The following CBX2 variants were observed in gnomAD, a reference collection of about 807,000 sequenced individuals.
CBX2 encodes the protein chromobox 2.
In CBX2, 11 loss-of-function variants were observed where a neutral mutation model predicts 21.0. That is an observed-to-expected ratio of 0.52 (90% CI 0.33 to 0.87). CBX2 has a LOEUF of 0.87. Among genes scored for constraint, CBX2 ranks in the 40% least tolerant of loss-of-function variants. CBX2 has a pLI of 0.02. For missense variants in CBX2, 746 were observed against 724.3 expected (o/e 1.03, Z -0.34); for synonymous variants, 364 against 304.6 (o/e 1.19, Z -2.03).
At chr17:79,782,135 G>A in intron 4 of CBX2, 2 of 1,613,028 alleles carry the variant, frequency 1.2e-6, no homozygotes, top group Non-Finnish European at 1.7e-6. Flanking sequence ...GGAACAGGAA[G>A]CATGCGTACA....
upstream of CBX2, among the ~76,000 whole-genome samples, chr17:79,777,715 A>G (rs1906819713): frequency 1.3e-5 from 2 of 151,904 alleles, no homozygotes; most frequent in African/African-American, 4.8e-5. Flanking sequence ...GCCCCGGAGC[A>G]GCGCCCCTCG....
intron 4 of CBX2, among the ~76,000 whole-genome samples, chr17:79,782,971 C>T (rs1598224775): frequency 1.3e-5 from 2 of 152,172 alleles, no homozygotes; most frequent in East Asian, 1.9e-4. Flanking sequence ...AAGGCTCAGA[C>T]TGGGAAATGG....
Position 79,784,423 on chromosome 17 carries a change from C to T in CBX2, c.980C>T (p.Pro327Leu), listed in dbSNP as rs782749154. The T allele has an allele frequency of 8.1e-6, 13 of 1,611,750 alleles. No individual in the cohort carries two copies. The South Asian group carries it at 1.1e-4, about 14-fold the overall frequency. Residue 327 changes from proline (P) to leucine (L), a missense_variant, in exon 5 of 5, where the codon CCC becomes CTC. By Grantham distance (98) the Pro-to-Leu change is moderately conservative. Around this residue, in one of 2 missense-constraint regions of CBX2, gnomAD observed 701 missense variants for 650.7 expected, o/e 1.08. Coordinates refer to ENST00000310942, the MANE Select transcript of CBX2 (RefSeq NM_005189.3). The surrounding 1 kb of genome is among the most constrained non-coding windows in gnomAD (Gnocchi z 5.9). ...CAGAAAGTGGGGAACACAGGGGGCC[C>T]CCCGCACACCCATGGTGCCAGCAGG... Reference protein sequence around the residue: ...VEQKVGNTGGPPHTHGASRVP... With the variant: ...VEQKVGNTGGLPHTHGASRVP...
chr17:79,778,249 G>A lies in CBX2; in HGVS notation c.14G>A (p.Ser5Asn), dbSNP rs782756133. The change falls in exon 1 of 5, where the codon AGC becomes AAC. Residue 5 changes from serine to asparagine, a missense_variant. Transcript: ENST00000310942. The surrounding 1 kb of genome is among the most constrained non-coding windows in gnomAD (Gnocchi z 4.8). ...CTGCCGGGCAGCATGGAGGAGCTGA[G>A]CAGCGTGGGCGAGCAGGTCTTCGCC... MEEL[S>N]SVGEQVFAAE... The A allele has an allele frequency of 6.6e-7, 1 of 1,504,958 alleles. No individual in the cohort carries two copies. Among genetic ancestry groups the A allele is most frequent in the South Asian group, 1.2e-5 (1 of 81,342 alleles). The allele number at this position is 1,504,958 out of a possible 1,614,324, so 93.2% of individuals were successfully genotyped here.
chr17:79,781,768 C>T lies in CBX2; in HGVS notation c.255C>T (p.Ala85=), dbSNP rs1555830313. ...GAGGCCGGCCAAGGAAGCTCACTGC[C>T]ATGTCCTCCTGCAGCCGGCGCTCCA... is the stretch of plus-strand genomic sequence containing the variant. The part of the protein sequence containing the change: ...RPRGRPRKLT[A]MSSCSRRSKL... The change falls in exon 4 of 5, where the codon GCC becomes GCT. Residue 85 remains alanine (A), a synonymous_variant. Coordinates refer to ENST00000310942, the MANE Select transcript of CBX2 (RefSeq NM_005189.3). 6.2e-7 allele frequency: 1 copy of T among 1,614,130 alleles called. No homozygotes were observed. The highest frequency in any genetic ancestry group is 2.2e-5 in the East Asian group (1 of 44,862).
intron 4 of CBX2, chr17:79,782,410 CT>C: frequency 7.4e-7 from 1 of 1,349,790 alleles, no homozygotes; most frequent in East Asian, 3.1e-5. Context: ...GCATGCGCCC[CT>C]GGGGTCCGTG....
At position 79,778,674 on chromosome 17, in the gene CBX2, C is replaced by A. The variant is rs1178771193; in HGVS notation, c.116+247C>A. Among the ~76,000 whole-genome samples, 3 of 151,852 alleles carry A rather than the reference C, an allele frequency of 2.0e-5. No homozygotes were observed. Among genetic ancestry groups the A allele is most frequent in the African/African-American group, 7.3e-5 (3 of 41,344 alleles). On this transcript the variant is annotated intron_variant, in intron 2 of 4. Transcript: ENST00000310942. This position sits in a 1 kb window ranked among gnomAD's most constrained non-coding sequence, Gnocchi z 4.8. ...CCCGCGCCAGAACCTCCTCGGCTGC[C>A]GCGCCGCGCTCCCCCCAACCCCCGT... is the stretch of plus-strand genomic sequence containing the variant.
At chr17:79,781,505 T>C (rs1354839603) in intron 3 of CBX2, among the ~76,000 whole-genome samples, 191 bp from the exon 4 acceptor site, 6 of 152,216 alleles carry the variant, frequency 3.9e-5, no homozygotes, top group African/African-American at 1.4e-4. Flanking sequence ...TGAAATGGGA[T>C]GGCTGGTTAC....
At position 79,784,662 on chromosome 17, in the gene CBX2, G is replaced by A. The variant is rs782222190; in HGVS notation, c.1219G>A (p.Asp407Asn). 4.3e-5 allele frequency: 70 copies of A among 1,612,214 alleles called. No homozygotes were observed. Among genetic ancestry groups the A allele is most frequent in the South Asian group, 3.4e-4 (31 of 91,038 alleles). The change falls in exon 5 of 5, where the codon GAC becomes AAC. Residue 407 changes from aspartate (D) to asparagine (N), a missense_variant. Asp to Asn is a conservative substitution (Grantham distance 23). Coordinates refer to ENST00000310942, the MANE Select transcript of CBX2 (RefSeq NM_005189.3). The surrounding 1 kb of genome is among the most constrained non-coding windows in gnomAD (Gnocchi z 5.9). The stretch of plus-strand genomic sequence containing the variant: ...GGCCAGCGGGGCCACCATGCCCACC[G>A]ACACAAGCAAAAGTGAGAAGCTGGC... Reference protein sequence around the residue: ...IGASGATMPTDTSKSEKLASR... With the variant: ...IGASGATMPTNTSKSEKLASR...
chr17:79,783,872 G>A lies in CBX2; in HGVS notation c.429G>A (p.Pro143=), dbSNP rs150943047. 4.1e-3 allele frequency: 6,624 copies of A among 1,613,944 alleles called. 25 individuals carry two copies. Among genetic ancestry groups the A allele is most frequent in the African/African-American group, 0.014 (1,083 of 75,018 alleles). ...GPRGRETHPV[P]QKKAQILVAK... ...GGGGCCGCGAGACCCACCCAGTGCC[G>A]CAGAAGAAGGCCCAGATCCTGGTGG... Residue 143 remains proline, a synonymous_variant, in exon 5 of 5, where the codon CCG becomes CCA. Transcript: ENST00000310942.
intron 4 of CBX2, among the ~76,000 whole-genome samples, chr17:79,782,826 C>A (rs533255930): frequency 1.2e-4 from 18 of 152,124 alleles, no homozygotes; most frequent in Non-Finnish European, 2.2e-4. Context: ...GGATCTGACT[C>A]CTAAAGCACA....
Position 79,784,600 on chromosome 17 carries a change from C to G in CBX2, c.1157C>G (p.Pro386Arg). ...TATKGVPATN[P>R]APGKGTGSGL... ...ACCAAGGGTGTCCCGGCCACCAACC[C>G]AGCCCCTGGGAAGGGCACTGGGAGT... Residue 386 changes from proline (P) to arginine (R), a missense_variant, in exon 5 of 5, where the codon CCA becomes CGA. Around this residue, in one of 2 missense-constraint regions of CBX2, gnomAD observed 701 missense variants for 650.7 expected, o/e 1.08. Transcript: ENST00000310942. The surrounding 1 kb of genome is among the most constrained non-coding windows in gnomAD (Gnocchi z 5.9). The G allele has an allele frequency of 2.5e-6, 4 of 1,612,642 alleles. No homozygotes were observed. The highest frequency in any genetic ancestry group is 3.4e-6 in the Non-Finnish European group (4 of 1,179,932).
At chr17:79,781,673 A>G (rs782108761) in intron 3 of CBX2, 23 bp from the exon 4 acceptor site, 2 of 1,599,874 alleles carry the variant, frequency 1.3e-6, no homozygotes, top group Non-Finnish European at 1.7e-6. Context: ...CTTCTCCCCC[A>G]TTAACTAGTG....
rs1175218232 is a variant in CBX2, at chr17:79,778,210, C to G, written c.-26C>G. 2 of 1,306,842 alleles carry G rather than the reference C, an allele frequency of 1.5e-6. No individual in the cohort carries two copies. Among genetic ancestry groups the G allele is most frequent in the East Asian group, 3.3e-5 (1 of 30,422 alleles). The allele number at this position is 1,306,842 out of a possible 1,614,324, so 81.0% of individuals were successfully genotyped here. A position where few individuals can be genotyped will look rare whatever the true frequency, so the allele number is the denominator to read the frequency against. ...CGGGCGGGTGACTGGCGGCGGGCGCCGCGGTCGGGCTGGCTGCCGGGCAGC... is the reference window on the plus strand; with the variant it reads ...CGGGCGGGTGACTGGCGGCGGGCGCGGCGGTCGGGCTGGCTGCCGGGCAGC... On this transcript the variant is annotated 5_prime_UTR_variant, in exon 1 of 5. Transcript: ENST00000310942. The surrounding 1 kb of genome is among the most constrained non-coding windows in gnomAD (Gnocchi z 4.8).
chr17:79,782,209 G>A lies in CBX2; in HGVS notation c.288+408G>A, dbSNP rs953344541. ...AAGCCTAAGATTTGGGGGCTACTCC[G>A]GGCCCACCTGCGGGTGCACCTTAAA... On this transcript the variant is annotated intron_variant, in intron 4 of 4. Coordinates refer to ENST00000310942, the MANE Select transcript of CBX2 (RefSeq NM_005189.3). 117 of 1,607,300 alleles carry A rather than the reference G, an allele frequency of 7.3e-5. No homozygotes were observed. In the Middle Eastern group the frequency reaches 8.3e-4, roughly 11 times the overall value.
At chr17:79,781,338 G>A (rs1449723596) in intron 3 of CBX2, among the ~76,000 whole-genome samples, 1 of 152,132 alleles carries the variant, frequency 6.6e-6, no homozygotes, top group Non-Finnish European at 1.5e-5. Flanking sequence ...AAGTAAGGAG[G>A]TTGGACCGTG....
At chr17:79,779,566 C>T in intron 3 of CBX2, 139 bp downstream of exon 3, 1 of 745,032 alleles carries the variant, frequency 1.3e-6, no homozygotes. Context: ...GTGTCCAGGG[C>T]CATCTCTGTG....
rs1555829475 is a variant in CBX2, at chr17:79,778,449, G to GC, written c.116+28dup. The GC allele has an allele frequency of 4.0e-6, 6 of 1,491,702 alleles. No individual in the cohort carries two copies. Among genetic ancestry groups the GC allele is most frequent in the South Asian group, 3.6e-5 (3 of 82,248 alleles). 92.4% of individuals were successfully genotyped at this position (1,491,702 alleles called of 1,614,324 possible). A position where few individuals can be genotyped will look rare whatever the true frequency, so the allele number is the denominator to read the frequency against. On this transcript the variant is annotated intron_variant, in intron 2 of 4. Transcript: ENST00000310942. This position sits in a 1 kb window ranked among gnomAD's most constrained non-coding sequence, Gnocchi z 4.8. ...CCAAGTGAGTCCCCCGCGACGCCGCGCCCCCCTCCCGCCCCCTCGCCCGGG... is the reference window on the plus strand; with the variant it reads ...CCAAGTGAGTCCCCCGCGACGCCGCGCCCCCCCTCCCGCCCCCTCGCCCGGG...
intron 4 of CBX2, chr17:79,782,048 C>T: frequency 1.9e-6 from 3 of 1,613,972 alleles, no homozygotes; most frequent in South Asian, 2.2e-5. Flanking sequence ...GTCCTGCACG[C>T]CTCTCTGCTG....
Sources: allele counts gnomAD v4.1 joint callset (sites outside exome capture counted in the v4.1 genomes callset), GRCh38; gene constraint gnomAD v4.1.1; regional missense constraint gnomAD v4.1.1; non-coding constraint Gnocchi (gnomAD v3.1); transcripts MANE v1.5; gene names NCBI Gene and HGNC (gene_info 2026-07-23, HGNC 2026-07-21).